ACTR1B: variants seen among roughly 807,000 people sequenced by gnomAD.
ACTR1B encodes actin related protein 1B.
ACTR1B carries 34 observed loss-of-function variants against 49.4 expected under a neutral mutation model. That is an observed-to-expected ratio of 0.69 (90% CI 0.52 to 0.92). The LOEUF is 0.92. Ranked by LOEUF, ACTR1B falls within the 40% of genes least tolerant of loss-of-function variation. The probability of loss-of-function intolerance (pLI) is 0.00; values close to 1 mark genes in which losing one functional copy is unlikely to be tolerated. For missense variants in ACTR1B, 471 were observed against 522.4 expected (o/e 0.90, Z 0.96); for synonymous variants, 207 against 207.8 (o/e 1.00, Z 0.03).
chr2:97,659,705 G>A lies in ACTR1B; in HGVS notation c.190-228C>T. 1 of 605,130 alleles carries A rather than the reference G, an allele frequency of 1.7e-6. No homozygotes were observed. Among genetic ancestry groups the A allele is most frequent in the Non-Finnish European group, 2.9e-6 (1 of 347,212 alleles). 37.5% of individuals were successfully genotyped at this position (605,130 alleles called of 1,614,324 possible). A position where few individuals can be genotyped will look rare whatever the true frequency, so the allele number is the denominator to read the frequency against. On this transcript the variant is annotated intron_variant, in intron 3 of 10. Coordinates refer to ENST00000289228, the MANE Select transcript of ACTR1B (RefSeq NM_005735.4). The surrounding 1 kb of genome is among the most constrained non-coding windows in gnomAD (Gnocchi z 4.0). ...TAGAGCCCAGCTAGCTTCAGCTGGG[G>A]GGATCAGAGAGGGTGGCAGTGTGCC... is the stretch of plus-strand genomic sequence containing the variant.
chr2:97,658,386 C>T lies in ACTR1B; in HGVS notation c.657+41G>A. The T allele has an allele frequency of 6.2e-7, 1 of 1,613,606 alleles. No homozygotes were observed. The highest frequency in any genetic ancestry group is 8.5e-7 in the Non-Finnish European group (1 of 1,179,654). On this transcript the variant is annotated intron_variant, in intron 6 of 10. Coordinates refer to ENST00000289228, the MANE Select transcript of ACTR1B (RefSeq NM_005735.4). The surrounding 1 kb of genome is among the most constrained non-coding windows in gnomAD (Gnocchi z 5.9). ...ACCTGTGCCTTGGTGCCACCCTTTC[C>T]TCACCCCAGGTCGTGTCCACACCCT...
intron 8 of ACTR1B, 122 bp from the exon 9 acceptor site, chr2:97,657,631 T>TGAAG (rs1559288273): frequency 9.2e-6 from 10 of 1,084,888 alleles, no homozygotes; most frequent in Admixed American, 3.6e-5. Context: ...CTTCCCAGGA[T>TGAAG]GAAGGGCAAG....
At position 97,657,369 on chromosome 2, in the gene ACTR1B, G is replaced by A. The variant is rs1271001628; in HGVS notation, c.987+79C>T. ...TGGACGTGAGCTGGTGAGCGGGTCT[G>A]GGGGCAGCATTCAACCTTCCTCCCC... is the stretch of plus-strand genomic sequence containing the variant. On this transcript the variant is annotated intron_variant, in intron 9 of 10. Coordinates refer to ENST00000289228, the MANE Select transcript of ACTR1B (RefSeq NM_005735.4). 2.0e-6 allele frequency: 3 copies of A among 1,532,996 alleles called. No homozygotes were observed. In the African/African-American group the frequency reaches 4.1e-5, roughly 21 times the overall value. 95.0% of individuals were successfully genotyped at this position (1,532,996 alleles called of 1,614,324 possible). A position where few individuals can be genotyped will look rare whatever the true frequency, so the allele number is the denominator to read the frequency against.
chr2:97,656,902 A>T lies in ACTR1B; in HGVS notation c.1087T>A (p.Tyr363Asn). Residue 363 changes from tyrosine to asparagine, a missense_variant, in exon 11 of 11, where the codon TAT (tyrosine) becomes AAT (asparagine). Coordinates refer to ENST00000289228, the MANE Select transcript of ACTR1B (RefSeq NM_005735.4). Reference protein sequence around the residue: ...FKKMWVSKKEYEEDGSRAIHR... With the variant: ...FKKMWVSKKENEEDGSRAIHR... ...ATAGCACGGGAGCCATCCTCTTCAT[A>T]CTCCTTTTTGGACACCCACATCTTC... The T allele has an allele frequency of 6.3e-7, 1 of 1,594,972 alleles. No homozygotes were observed. The highest frequency in any genetic ancestry group is 8.5e-7 in the Non-Finnish European group (1 of 1,170,806).
At chr2:97,660,181 C>G (rs1465763614) in intron 3 of ACTR1B, among the ~76,000 whole-genome samples, 1 of 152,248 alleles carries the variant, frequency 6.6e-6, no homozygotes, top group Non-Finnish European at 1.5e-5. Flanking sequence ...CTGCTCTCCC[C>G]ACACCCACAC....
intron 8 of ACTR1B, 108 bp downstream of exon 8, chr2:97,657,835 G>T: frequency 1.5e-6 from 2 of 1,344,892 alleles, no homozygotes; most frequent in Non-Finnish European, 2.0e-6. Context: ...TGTTCATTGA[G>T]CACCACCAAA....
chr2:97,660,884 A>G (rs1361447468), intron 2 of ACTR1B, among the ~76,000 whole-genome samples: 1 of 152,122 alleles, frequency 6.6e-6, no homozygotes, highest in Admixed American at 6.5e-5. Context: ...TGCATGTCTG[A>G]GCGCCAGAAC....
In ACTR1B at chr2:97,658,225, T is replaced by C; in HGVS notation, c.749A>G (p.Asp250Gly). The C allele has an allele frequency of 6.2e-7, 1 of 1,614,102 alleles. No homozygotes were observed. The highest frequency in any genetic ancestry group is 8.5e-7 in the Non-Finnish European group (1 of 1,180,030). The change falls in exon 7 of 11, where the codon GAT (aspartate) becomes GGT (glycine). Residue 250 changes from aspartate to glycine, a missense_variant and splice_region_variant. Transcript: ENST00000289228. This position sits in a 1 kb window ranked among gnomAD's most constrained non-coding sequence, Gnocchi z 5.9. ...CCAGTGCCAGGCCCGGCCACTTACA[T>C]CAAGCGTGCTGCCGTCTGGCAACGT... is the stretch of plus-strand genomic sequence containing the variant. Reference protein sequence around the residue: ...QYTLPDGSTLDVGPARFRAPE... With the variant: ...QYTLPDGSTLGVGPARFRAPE...
chr2:97,657,174 G>C lies in ACTR1B; in HGVS notation c.1006C>G (p.Arg336Gly). Residue 336 changes from arginine (R) to glycine (G), a missense_variant, in exon 10 of 11, where the codon CGG (arginine) becomes GGG (glycine). Transcript: ENST00000289228. ...IKIKISAPQE[R>G]LYSTWIGGSI... The stretch of plus-strand genomic sequence containing the variant: ...CACCCAATCCATGTGGAGTACAGCC[G>C]TTCCTGCGGGGCTGAGATCTAGAAG... 1 of 1,613,606 alleles carries C rather than the reference G, an allele frequency of 6.2e-7. No homozygotes were observed. The highest frequency in any genetic ancestry group is 8.5e-7 in the Non-Finnish European group (1 of 1,179,830).
intron 1 of ACTR1B, among the ~76,000 whole-genome samples, chr2:97,663,075 G>T (rs1423085134): frequency 6.6e-6 from 1 of 152,156 alleles, no homozygotes; most frequent in Non-Finnish European, 1.5e-5. Flanking sequence ...CAGACTCAAA[G>T]ATCCCAGCCC....
chr2:97,662,693 G>C (rs1329625297), intron 1 of ACTR1B, among the ~76,000 whole-genome samples: 1 of 152,196 alleles, frequency 6.6e-6, no homozygotes, highest in Non-Finnish European at 1.5e-5. Context: ...AACCCTCTGA[G>C]TCTGCAGCAG....
chr2:97,657,533 C>T (rs1674876638), intron 8 of ACTR1B, 24 bp from the exon 9 acceptor site: 2 of 1,613,982 alleles, frequency 1.2e-6, no homozygotes, highest in Non-Finnish European at 1.7e-6. Context: ...GCTGGCTGAG[C>T]CTGGGGTCTG....
Position 97,658,718 on chromosome 2 carries a change from G to A in ACTR1B, c.441-75C>T. On this transcript the variant is annotated intron_variant, in intron 5 of 10. Transcript: ENST00000289228. This position sits in a 1 kb window ranked among gnomAD's most constrained non-coding sequence, Gnocchi z 5.9. ...CTCCTCACCCAGGGGAGGAACCCTG[G>A]CACATCTGCATTATCTAGTCTGAAG... 6.3e-7 allele frequency: 1 copy of A among 1,585,292 alleles called. No individual in the cohort carries two copies. The highest frequency in any genetic ancestry group is 8.6e-7 in the Non-Finnish European group (1 of 1,156,936).
rs1231858947 is a variant in ACTR1B, at chr2:97,658,660, A to G, written c.441-17T>C. 1.2e-6 allele frequency: 2 copies of G among 1,613,040 alleles called. No homozygotes were observed. The highest frequency in any genetic ancestry group is 1.7e-6 in the Non-Finnish European group (2 of 1,179,804). ...GTTGCGTACCTGTCACCAGGTCAGC[A>G]TCCCCTCACCTCAGCCACTGAGGCA... On this transcript the variant is annotated splice_polypyrimidine_tract_variant and intron_variant, in intron 5 of 10. Coordinates refer to ENST00000289228, the MANE Select transcript of ACTR1B (RefSeq NM_005735.4). This position sits in a 1 kb window ranked among gnomAD's most constrained non-coding sequence, Gnocchi z 5.9.
Position 97,658,335 on chromosome 2 carries a change from A to G in ACTR1B, c.658-19T>C. On this transcript the variant is annotated intron_variant, in intron 6 of 10. Coordinates refer to ENST00000289228, the MANE Select transcript of ACTR1B (RefSeq NM_005735.4). This position sits in a 1 kb window ranked among gnomAD's most constrained non-coding sequence, Gnocchi z 5.9. ...ACGCTCGCTGCGGGGACAGGGACAC[A>G]GCCCTCAGAAGGCTGCACCTGGGAC... The G allele has an allele frequency of 6.2e-7, 1 of 1,614,106 alleles. No homozygotes were observed. Among genetic ancestry groups the G allele is most frequent in the Non-Finnish European group, 8.5e-7 (1 of 1,179,962 alleles).
Position 97,656,775 on chromosome 2 carries a change from T to C in ACTR1B, c.*83A>G, listed in dbSNP as rs1368670722. 8.6e-7 allele frequency: 1 copy of C among 1,167,340 alleles called. No homozygotes were observed. The highest frequency in any genetic ancestry group is 1.2e-6 in the Non-Finnish European group (1 of 801,464). The allele number at this position is 1,167,340 out of a possible 1,614,324, so 72.3% of individuals were successfully genotyped here. On this transcript the variant is annotated 3_prime_UTR_variant, in exon 11 of 11. Coordinates refer to ENST00000289228, the MANE Select transcript of ACTR1B (RefSeq NM_005735.4). ...GGCATGCAGGGGACCCTAAGCCTAGTATACGAGCCAAGACCAAAAAGGGTT... is the reference window on the plus strand; with the variant it reads ...GGCATGCAGGGGACCCTAAGCCTAGCATACGAGCCAAGACCAAAAAGGGTT...
chr2:97,657,090 T>C (rs993018939), intron 10 of ACTR1B, 62 bp downstream of exon 10: 1 of 1,596,816 alleles, frequency 6.3e-7, no homozygotes, highest in African/African-American at 1.3e-5. Context: ...AGGCCAACAA[T>C]GGGAGGAGCA....
chr2:97,661,379 C>A (rs775117950), intron 2 of ACTR1B, among the ~76,000 whole-genome samples: 2 of 152,214 alleles, frequency 1.3e-5, no homozygotes, highest in Non-Finnish European at 2.9e-5. Context: ...GTGGTGGGTG[C>A]AAGGGGCACC....
intron 1 of ACTR1B, 42 bp downstream of exon 1, chr2:97,663,801 G>C: frequency 7.6e-7 from 1 of 1,319,474 alleles, no homozygotes; most frequent in South Asian, 1.6e-5. Context: ...GTGCGCCCCC[G>C]GGGGCGGGGC....
Sources: allele counts gnomAD v4.1 joint callset (sites outside exome capture counted in the v4.1 genomes callset), GRCh38; gene constraint gnomAD v4.1.1; non-coding constraint Gnocchi (gnomAD v3.1); transcripts MANE v1.5; gene names NCBI Gene and HGNC (gene_info 2026-07-23, HGNC 2026-07-21).